The following SLC24A3 variants were observed in gnomAD, a reference collection of about 807,000 sequenced individuals.
SLC24A3 encodes sodium/potassium/calcium exchanger 3.
SLC24A3 carries 28 observed loss-of-function variants against 75.8 expected under a neutral mutation model. The ratio of observed to expected loss-of-function variants is 0.37; its 90% CI spans 0.27 to 0.51. The LOEUF is 0.51. Among genes scored for constraint, SLC24A3 ranks in the 20% least tolerant of loss-of-function variants. The pLI, the probability that SLC24A3 is intolerant of heterozygous loss-of-function variation, is 0.94. For missense variants in SLC24A3, 663 were observed against 847.8 expected (o/e 0.78, Z 2.71); for synonymous variants, 372 against 334.1 (o/e 1.11, Z -1.24).
At chr20:19,457,051 A>G (rs1265903306) in intron 2 of SLC24A3, among the ~76,000 whole-genome samples, 1 of 152,262 alleles carries the variant, frequency 6.6e-6, no homozygotes, top group African/African-American at 2.4e-5. Flanking sequence ...ATCTGATGCT[A>G]TAAAAAGAAA....
In SLC24A3 at chr20:19,250,285, A is replaced by T. The variant is rs189980041; in HGVS notation, c.143-30674A>T. 2.0e-5 allele frequency among the ~76,000 whole-genome samples: 3 copies of T among 152,284 alleles called. No homozygotes were observed. In the East Asian group the frequency reaches 5.8e-4, roughly 29 times the overall value. ...TTACCTCTCACTTGCACAAATTTCC[A>T]CTATCTTGATTGCTGGGATACACAT... is the stretch of plus-strand genomic sequence containing the variant. On this transcript the variant is annotated intron_variant, in intron 1 of 16. Coordinates refer to ENST00000328041, the MANE Select transcript of SLC24A3 (RefSeq NM_020689.4).
chr20:19,443,070 C>G (rs972268154), intron 2 of SLC24A3, among the ~76,000 whole-genome samples: 1 of 152,158 alleles, frequency 6.6e-6, no homozygotes, highest in African/African-American at 2.4e-5. Flanking sequence ...AGAAATATCA[C>G]ATTATCTTGA....
At chr20:19,561,682 C>T (rs539695647) in intron 3 of SLC24A3, among the ~76,000 whole-genome samples, 1 of 152,190 alleles carries the variant, frequency 6.6e-6, no homozygotes, top group Non-Finnish European at 1.5e-5. Context: ...CTATCTAGCA[C>T]TTACTGAATG....
chr20:19,716,831 A>C (rs1336234911), intron 15 of SLC24A3, among the ~76,000 whole-genome samples: 1 of 152,080 alleles, frequency 6.6e-6, no homozygotes, highest in East Asian at 1.9e-4. Flanking sequence ...CCAAGATCAC[A>C]CCACTGCACC....
At chr20:19,661,331 G>A (rs6081702) in intron 7 of SLC24A3, among the ~76,000 whole-genome samples, 2 of 152,110 alleles carry the variant, frequency 1.3e-5, no homozygotes, top group Non-Finnish European at 2.9e-5. Context: ...TCCTGAAGTA[G>A]GAATTTCTGC....
chr20:19,639,186 A>T (rs1201088123), intron 6 of SLC24A3, among the ~76,000 whole-genome samples: 1 of 152,188 alleles, frequency 6.6e-6, no homozygotes, highest in Non-Finnish European at 1.5e-5. Flanking sequence ...ACCTAGATAC[A>T]GAGTGTCCAC....
At chr20:19,242,356 T>C (rs1982354794) in intron 1 of SLC24A3, 1 of 152,198 alleles carries the variant, frequency 6.6e-6, no homozygotes, top group Non-Finnish European at 1.5e-5. Context: ...GGTGTGGGAT[T>C]AGGTCAGTTT....
At chr20:19,659,139 C>G (rs918632821) in intron 7 of SLC24A3, among the ~76,000 whole-genome samples, 2 of 152,206 alleles carry the variant, frequency 1.3e-5, no homozygotes, top group African/African-American at 2.4e-5. Context: ...TCCCAGGTAA[C>G]GTGGGCCAGC....
chr20:19,430,249 GTTC>G (rs953854339), intron 2 of SLC24A3, among the ~76,000 whole-genome samples: 5 of 152,168 alleles, frequency 3.3e-5, no homozygotes, highest in African/African-American at 1.2e-4. Context: ...AGACATCATT[GTTC>G]TTCTGTTTTC....
intron 7 of SLC24A3, among the ~76,000 whole-genome samples, chr20:19,664,739 C>G (rs960005917): frequency 2.6e-5 from 4 of 152,218 alleles, no homozygotes; most frequent in African/African-American, 9.6e-5. Context: ...GGAAAGGCCG[C>G]TCTGAGACGA....
Position 19,682,006 on chromosome 20 carries a change from CA to C in SLC24A3, c.901+16del. ...ACTTAAGAAAGGTAACCAAGGAGAGCACTTTGGGGTCCAAGGCAGGAGGATC... is the reference window on the plus strand; with the variant it reads ...ACTTAAGAAAGGTAACCAAGGAGAGCCTTTGGGGTCCAAGGCAGGAGGATC... On this transcript the variant is annotated intron_variant, in intron 10 of 16. Transcript: ENST00000328041. 1 of 1,612,804 alleles carries C rather than the reference CA, an allele frequency of 6.2e-7. No homozygotes were observed. Among genetic ancestry groups the C allele is most frequent in the South Asian group, 1.1e-5 (1 of 90,928 alleles).
chr20:19,461,394 T>C (rs373769698), intron 2 of SLC24A3, among the ~76,000 whole-genome samples: 226 of 152,322 alleles, frequency 1.5e-3, no homozygotes, highest in African/African-American at 5.2e-3. Context: ...TGCACATATA[T>C]ACATATACAC....
intron 6 of SLC24A3, among the ~76,000 whole-genome samples, chr20:19,634,193 C>T (rs2031971728): frequency 6.6e-6 from 1 of 152,134 alleles, no homozygotes; most frequent in Non-Finnish European, 1.5e-5. Flanking sequence ...GGGAAGCTGC[C>T]TATCTCTTTG....
At position 19,651,370 on chromosome 20, in the gene SLC24A3, A is replaced by T. The variant is rs1003308171; in HGVS notation, c.613-2692A>T. Among the ~76,000 whole-genome samples the T allele has an allele frequency of 5.1e-5, 6 of 118,202 alleles. No individual in the cohort carries two copies. In the East Asian group the frequency reaches 1.1e-3, roughly 22 times the overall value. The allele number at this position is 118,202 out of a possible 152,430, so 77.5% of individuals were successfully genotyped here. ...ATTACAAAATGTCATTCTGGTTTTT[A>T]TTATATATATATATATATATATATA... is the stretch of plus-strand genomic sequence containing the variant. On this transcript the variant is annotated intron_variant, in intron 6 of 16. Coordinates refer to ENST00000328041, the MANE Select transcript of SLC24A3 (RefSeq NM_020689.4).
intron 1 of SLC24A3, among the ~76,000 whole-genome samples, chr20:19,266,429 A>C (rs1823561222): frequency 6.6e-6 from 1 of 152,212 alleles, no homozygotes; most frequent in South Asian, 2.1e-4. Flanking sequence ...CTCATTGGTG[A>C]TAACTGTACT....
chr20:19,237,359 A>G (rs1465910669), intron 1 of SLC24A3, among the ~76,000 whole-genome samples: 1 of 152,126 alleles, frequency 6.6e-6, no homozygotes, highest in African/African-American at 2.4e-5. Context: ...TCAGCTGCCC[A>G]TCTTCACCTG....
intron 6 of SLC24A3, among the ~76,000 whole-genome samples, chr20:19,629,536 C>T (rs2031909120): frequency 1.3e-5 from 2 of 152,132 alleles, no homozygotes; most frequent in Admixed American, 1.3e-4. Context: ...AGGAAATGGG[C>T]ATACAAATTC....
chr20:19,431,734 G>A (rs1987107540), intron 2 of SLC24A3, among the ~76,000 whole-genome samples: 3 of 148,180 alleles, frequency 2.0e-5, no homozygotes, highest in Admixed American at 2.0e-4. Context: ...AAAAAAAAAG[G>A]TAAATTCATT....
intron 16 of SLC24A3, among the ~76,000 whole-genome samples, chr20:19,719,481 C>T (rs146739841): frequency 1.5e-4 from 23 of 151,704 alleles, no homozygotes; most frequent in African/African-American, 5.3e-4. Flanking sequence ...GACCTCACTG[C>T]CAGGAGAGAA....
Sources: allele counts gnomAD v4.1 joint callset (sites outside exome capture counted in the v4.1 genomes callset), GRCh38; gene constraint gnomAD v4.1.1; transcripts MANE v1.5; gene names NCBI Gene and HGNC (gene_info 2026-07-23, HGNC 2026-07-21).